Variants in TMEM116 observed in about 807,000 individuals in gnomAD.
TMEM116 encodes transmembrane protein 116.
A neutral mutation model predicts 44.3 loss-of-function variants in TMEM116; 38 were observed. That is an observed-to-expected ratio of 0.86 (90% CI 0.66 to 1.12). The LOEUF is 1.12. TMEM116 is among the 50% of genes most tolerant of loss of function. The pLI, the probability that TMEM116 is intolerant of heterozygous loss-of-function variation, is 0.00. For missense variants in TMEM116, 354 were observed against 401.7 expected, an observed-to-expected ratio of 0.88 and a Z score of 1.01; for synonymous variants, 132 against 144.8, an observed-to-expected ratio of 0.91 and a Z score of 0.64.
chr12:111,996,768 T>C (rs2076949278), intron 3 of TMEM116, among the ~76,000 whole-genome samples: 1 of 152,154 alleles, frequency 6.6e-6, no homozygotes, highest in Non-Finnish European at 1.5e-5. Flanking sequence ...AGAAAACATG[T>C]ACAAGAATGC....
intron 5 of TMEM116, among the ~76,000 whole-genome samples, chr12:111,940,357 G>T (rs998198952): frequency 6.7e-6 from 1 of 148,582 alleles, no homozygotes; most frequent in African/African-American, 2.5e-5. Context: ...TCCTCTTTGG[G>T]TTTTCTTTTC....
At chr12:112,003,735 T>C in intron 3 of TMEM116, 65 bp downstream of exon 3, 1 of 1,481,682 alleles carries the variant, frequency 6.7e-7, no homozygotes, top group Non-Finnish European at 8.8e-7. Flanking sequence ...AGGTAACATC[T>C]GTTATTTGTT....
intron 4 of TMEM116, among the ~76,000 whole-genome samples, chr12:111,976,214 G>A (rs2075663344): frequency 1.3e-5 from 2 of 152,042 alleles, no homozygotes; most frequent in Admixed American, 1.3e-4. Flanking sequence ...CACCATGTTG[G>A]TCAGGATGGT....
chr12:111,938,545 C>T (rs946852481), intron 5 of TMEM116, among the ~76,000 whole-genome samples: 1 of 152,138 alleles, frequency 6.6e-6, no homozygotes, highest in Non-Finnish European at 1.5e-5. Flanking sequence ...CATATAGTAA[C>T]CCTCTATCTT....
Position 111,931,760 on chromosome 12 carries a change from T to C in TMEM116, c.875A>G (p.His292Arg). The C allele has an allele frequency of 6.2e-7, 1 of 1,606,020 alleles. No homozygotes were observed. Among genetic ancestry groups the C allele is most frequent in the Non-Finnish European group, 8.5e-7 (1 of 1,176,226 alleles). ...ACGCCGAGCCTCCTGCTTTAGTTGG[T>C]GGAATTTGTGCTGCGTCCAGCCATA... ...GVYGWTQHKFHQLKQEARRDA... is the reference protein window; with the variant it reads ...GVYGWTQHKFRQLKQEARRDA... The change falls in exon 11 of 11, where the codon CAC becomes CGC. Residue 292 changes from histidine to arginine, a missense_variant. His to Arg is a conservative substitution (Grantham distance 29). Transcript: ENST00000552374.
At chr12:112,008,229 T>C (rs1187015769) in intron 1 of TMEM116, among the ~76,000 whole-genome samples, 2 of 152,074 alleles carry the variant, frequency 1.3e-5, no homozygotes, top group Non-Finnish European at 2.9e-5. Flanking sequence ...ACACCTGTAA[T>C]CCCAACACTT....
intron 4 of TMEM116, among the ~76,000 whole-genome samples, chr12:111,963,904 C>A (rs994648865): frequency 6.6e-6 from 1 of 151,968 alleles, no homozygotes; most frequent in African/African-American, 2.4e-5. Flanking sequence ...ACCACCAATT[C>A]TTCTGATATT....
chr12:111,956,534 C>T (rs1324337096), intron 4 of TMEM116, among the ~76,000 whole-genome samples: 3 of 152,292 alleles, frequency 2.0e-5, no homozygotes, highest in East Asian at 1.9e-4. Context: ...GTCCTCGTCT[C>T]CCCTTTGCAC....
chr12:111,956,940 T>C (rs2074148522), intron 4 of TMEM116, among the ~76,000 whole-genome samples: 1 of 151,732 alleles, frequency 6.6e-6, no homozygotes, highest in African/African-American at 2.4e-5. Context: ...CCACCCCGTA[T>C]AGGAAGTGAG....
chr12:111,940,058 A>C (rs978661269), intron 5 of TMEM116, among the ~76,000 whole-genome samples: 3 of 151,862 alleles, frequency 2.0e-5, no homozygotes, highest in African/African-American at 7.3e-5. Flanking sequence ...GGATCACCTG[A>C]GGTCAGGAGT....
intron 10 of TMEM116, 22 bp from the exon 11 acceptor site, chr12:111,931,849 T>C (rs770752291): frequency 2.0e-6 from 3 of 1,469,678 alleles, no homozygotes; most frequent in South Asian, 2.9e-5. Context: ...GAAGGGGTGA[T>C]GCAGCCCATG....
At chr12:111,969,111 G>A (rs370173467) in intron 4 of TMEM116, among the ~76,000 whole-genome samples, 8 of 151,122 alleles carry the variant, frequency 5.3e-5, no homozygotes, top group African/African-American at 1.5e-4. Context: ...ACCTGGGGTC[G>A]GGAGCTCAAG....
At chr12:112,004,275 C>T (rs1051750078) in intron 2 of TMEM116, among the ~76,000 whole-genome samples, 4 of 151,838 alleles carry the variant, frequency 2.6e-5, no homozygotes, top group South Asian at 4.2e-4. Flanking sequence ...CCACCATGCC[C>T]AGCCCTGCAC....
chr12:111,969,409 T>A (rs1316264887), intron 4 of TMEM116, among the ~76,000 whole-genome samples: 7 of 151,996 alleles, frequency 4.6e-5, no homozygotes, highest in Non-Finnish European at 7.4e-5. Context: ...TTTATTTATT[T>A]TTTTTTTTTG....
intron 4 of TMEM116, among the ~76,000 whole-genome samples, chr12:111,945,925 C>T (rs1234885527): frequency 6.6e-6 from 1 of 152,218 alleles, no homozygotes; most frequent in Non-Finnish European, 1.5e-5. Flanking sequence ...ATATTCAACA[C>T]TTTATTATAA....
Position 111,991,807 on chromosome 12 carries a change from G to A in TMEM116, c.161C>T (p.Ser54Leu). 6.5e-7 allele frequency: 1 copy of A among 1,535,784 alleles called. No homozygotes were observed. The highest frequency in any genetic ancestry group is 8.7e-7 in the Non-Finnish European group (1 of 1,146,640). ...WLTETLLYGA[S>L]VANKDIICYN... Reference sequence around the variant, plus strand: ...GCAGATGATGTCCTTATTTGCTACTGAAGCTCCATAGAGAAGTGTCTCCGT... The same window carrying A: ...GCAGATGATGTCCTTATTTGCTACTAAAGCTCCATAGAGAAGTGTCTCCGT... Residue 54 changes from serine to leucine, a missense_variant, in exon 4 of 11, where the codon TCA becomes TTA. Transcript: ENST00000552374.
At chr12:111,958,257 C>A (rs1486752084) in intron 4 of TMEM116, among the ~76,000 whole-genome samples, 4 of 135,900 alleles carry the variant, frequency 2.9e-5, no homozygotes, top group Admixed American at 7.5e-5. Flanking sequence ...GAGAAACACC[C>A]ACGAATGATC....
At chr12:111,975,092 A>T (rs184086771) in intron 4 of TMEM116, among the ~76,000 whole-genome samples, 1 of 152,354 alleles carries the variant, frequency 6.6e-6, no homozygotes, top group Admixed American at 6.5e-5. Context: ...TGATATACAG[A>T]TTCAATAAAA....
intron 4 of TMEM116, among the ~76,000 whole-genome samples, chr12:111,950,569 C>T (rs780658596): frequency 7.3e-5 from 11 of 151,198 alleles, no homozygotes; most frequent in South Asian, 2.1e-4. Flanking sequence ...CTGACAAAAA[C>T]AAGCAATGGG....
Sources: gnomAD v4.1 joint callset for allele counts (sites outside exome capture counted in the v4.1 genomes callset) on GRCh38, gnomAD v4.1.1 for gene constraint, MANE v1.5 for transcripts, NCBI Gene and HGNC (gene_info 2026-07-23, HGNC 2026-07-21) for gene names.